SORBS2: variants seen among roughly 807,000 people sequenced by gnomAD.
SORBS2 encodes sorbin and SH3 domain containing 2, also known as sorbin and SH3 domain-containing protein 2.
In SORBS2, 46 loss-of-function variants were observed where a neutral mutation model predicts 97.7. The ratio of observed to expected loss-of-function variants is 0.47; its 90% confidence interval spans 0.37 to 0.60. SORBS2 has a LOEUF of 0.60. Ranked by LOEUF, SORBS2 falls within the 20% of genes least tolerant of loss-of-function variation. The pLI is 0.00. For missense variants in SORBS2, 1,316 were observed against 1,282.3 expected (o/e 1.03, Z -0.40); for synonymous variants, 476 against 473.4 (o/e 1.01, Z -0.07).
exon 12 of SORBS2, chr4:185,611,958 T>G (rs1039346384): frequency 6.2e-7 from 1 of 1,609,170 alleles, no homozygotes; most frequent in Admixed American, 1.7e-5. Context: ...ATCAACTCTT[T>G]TAAGAAGAAT....
chr4:185,827,331 C>A (rs1585258603), intron 1 of SORBS2, among the ~76,000 whole-genome samples: 1 of 16,974 alleles, frequency 5.9e-5, no homozygotes, highest in Non-Finnish European at 1.4e-4. Flanking sequence ...CCATCATCAT[C>A]ATCATCATCA....
chr4:185,766,956 G>A (rs996144087), intron 2 of SORBS2, among the ~76,000 whole-genome samples: 16 of 151,916 alleles, frequency 1.1e-4, no homozygotes, highest in Non-Finnish European at 1.9e-4. Flanking sequence ...CTAATATCAA[G>A]CTGGTCTTTA....
At chr4:185,643,655 A>G (rs2097163712) in intron 4 of SORBS2, among the ~76,000 whole-genome samples, 1 of 152,152 alleles carries the variant, frequency 6.6e-6, no homozygotes, top group Admixed American at 6.5e-5. Flanking sequence ...CACTGAGTCC[A>G]CTGCAGGAGA....
intron 1 of SORBS2, among the ~76,000 whole-genome samples, chr4:185,849,472 C>T (rs1203050956): frequency 1.5e-5 from 1 of 64,798 alleles, no homozygotes; most frequent in African/African-American, 5.4e-5. Context: ...CCTCTCCCTG[C>T]CATTTTTTTT....
At chr4:185,781,477 A>T (rs921535243) in intron 1 of SORBS2, among the ~76,000 whole-genome samples, 5 of 151,792 alleles carry the variant, frequency 3.3e-5, no homozygotes, top group African/African-American at 1.2e-4. Flanking sequence ...CCTTCCTCCC[A>T]GTGCCATTGC....
chr4:185,722,758 T>C (rs534435766), intron 2 of SORBS2, among the ~76,000 whole-genome samples: 1 of 152,336 alleles, frequency 6.6e-6, no homozygotes, highest in African/African-American at 2.4e-5. Context: ...ATTGTTGATA[T>C]TAAGTGCCTA....
At chr4:185,766,472 C>T (rs2098934672) in intron 2 of SORBS2, among the ~76,000 whole-genome samples, 1 of 151,812 alleles carries the variant, frequency 6.6e-6, no homozygotes. Context: ...TGTAGATCTA[C>T]AGATCAAAGT....
At chr4:185,768,552 T>G (rs2098949789) in intron 2 of SORBS2, among the ~76,000 whole-genome samples, 1 of 151,784 alleles carries the variant, frequency 6.6e-6, no homozygotes, top group Non-Finnish European at 1.5e-5. Flanking sequence ...GCACAAAAAT[T>G]AGCTTGCGTG....
rs33934418 is a variant in SORBS2, at chr4:185,587,304, C to CTT, written c.*321_*322dup. 989 of 157,780 alleles carry CTT rather than the reference C, an allele frequency of 6.3e-3. 15 individuals carry two copies. Among genetic ancestry groups the CTT allele is most frequent in the African/African-American group, 0.025 (906 of 35,828 alleles). 9.8% of individuals were successfully genotyped at this position (157,780 alleles called of 1,614,324 possible). ...GAGGCTGGACAGCCTCCTGGAGACA[C>CTT]TTTTTTTTTTTTTTTTTGCCTCAAA... On this transcript the variant is annotated 3_prime_UTR_variant, in exon 15 of 15. Coordinates refer to ENST00000418609, the Ensembl canonical transcript of SORBS2.
At chr4:185,791,616 C>G (rs1244046375) in intron 1 of SORBS2, among the ~76,000 whole-genome samples, 1 of 151,740 alleles carries the variant, frequency 6.6e-6, no homozygotes, top group Non-Finnish European at 1.5e-5. Context: ...ACTCTTTCAC[C>G]TAGCATGTTA....
At chr4:185,633,223 G>A (rs1044638334) in intron 4 of SORBS2, among the ~76,000 whole-genome samples, 45 of 152,114 alleles carry the variant, frequency 3.0e-4, no homozygotes, top group Non-Finnish European at 5.3e-4. Context: ...CCAGGCAGTT[G>A]ATAAACGGTA....
intron 2 of SORBS2, among the ~76,000 whole-genome samples, chr4:185,737,675 G>T (rs993137220): frequency 1.1e-4 from 17 of 152,202 alleles, no homozygotes; most frequent in African/African-American, 3.1e-4. Context: ...CCTCTGCGGG[G>T]ATGGGCACCG....
chr4:185,837,057 CTTTAT>C (rs1439106100), intron 1 of SORBS2, among the ~76,000 whole-genome samples: 1 of 152,180 alleles, frequency 6.6e-6, no homozygotes, highest in Non-Finnish European at 1.5e-5. Context: ...TGAAGAGAGA[CTTTAT>C]ATTATTCACA....
chr4:185,852,914 C>A (rs186339180), intron 1 of SORBS2, among the ~76,000 whole-genome samples: 16 of 152,270 alleles, frequency 1.1e-4, no homozygotes, highest in South Asian at 1.0e-3. Context: ...CTCTGTTTGA[C>A]CCCTTGGTCC....
chr4:185,772,691 C>T (rs2098978380), intron 2 of SORBS2: 1 of 152,174 alleles, frequency 6.6e-6, no homozygotes, highest in South Asian at 2.1e-4. Flanking sequence ...TAGGATTGAA[C>T]CTGGCTTTCA....
chr4:185,793,785 C>G (rs753810219), intron 1 of SORBS2, among the ~76,000 whole-genome samples: 6 of 152,112 alleles, frequency 3.9e-5, no homozygotes, highest in Non-Finnish European at 8.8e-5. Context: ...ATCCTTTGCA[C>G]AAATTACTTC....
intron 2 of SORBS2, among the ~76,000 whole-genome samples, chr4:185,723,444 T>C (rs1048398223): frequency 6.6e-6 from 1 of 152,228 alleles, no homozygotes. Flanking sequence ...GCAATCTATT[T>C]CCATGAGGTT....
Position 185,684,867 on chromosome 4 carries a change from T to C in SORBS2, c.-197-6045A>G, listed in dbSNP as rs1016249078. 3.9e-6 allele frequency: 6 copies of C among 1,543,528 alleles called. No homozygotes were observed. Among genetic ancestry groups the C allele is most frequent in the African/African-American group, 1.4e-5 (1 of 72,838 alleles). ...GCTATCTGGAAGCAAAAAAATGATA[T>C]AGCAGAGGCCAAGGCAACGGGAAAA... On this transcript the variant is annotated intron_variant, in intron 2 of 20. Transcript: ENST00000284776. This position sits in a 1 kb window ranked among gnomAD's most constrained non-coding sequence, Gnocchi z 4.2.
chr4:185,876,992 G>A (rs987361356), intron 1 of SORBS2, among the ~76,000 whole-genome samples: 1 of 152,178 alleles, frequency 6.6e-6, no homozygotes, highest in Non-Finnish European at 1.5e-5. Context: ...TGTAGCTTAA[G>A]CCTTTTTCTG....
Sources: allele counts gnomAD v4.1 joint callset (sites outside exome capture counted in the v4.1 genomes callset), GRCh38; gene constraint gnomAD v4.1.1; non-coding constraint Gnocchi (gnomAD v3.1); transcripts MANE v1.5; gene names NCBI Gene and HGNC (gene_info 2026-07-23, HGNC 2026-07-21).